Variants in ITCH observed in about 807,000 individuals in gnomAD.
ITCH encodes E3 ubiquitin-protein ligase Itchy homolog.
Under a neutral mutation model 126.8 loss-of-function variants are expected in ITCH, and 28 were observed. The observed-to-expected ratio is 0.22, with a 90% CI of 0.16 to 0.30. ITCH has a LOEUF of 0.30. ITCH is among the 10% of genes least tolerant of loss of function. ITCH has a pLI of 1.00. For missense variants in ITCH, 631 were observed against 1,032.4 expected (o/e 0.61, Z 5.33); for synonymous variants, 342 against 340.0 (o/e 1.01, Z -0.06).
intron 7 of ITCH, among the ~76,000 whole-genome samples, chr20:34,429,846 T>C (rs1166806583): frequency 6.6e-6 from 1 of 152,124 alleles, no homozygotes; most frequent in Non-Finnish European, 1.5e-5. Context: ...TATAAAGCCT[T>C]AATAGAAGAA....
intron 6 of ITCH, chr20:34,417,253 C>G: frequency 1.8e-6 from 1 of 550,772 alleles, no homozygotes. Flanking sequence ...TGCACCACCA[C>G]GCCTGGCTAA....
At position 34,462,189 on chromosome 20, in the gene ITCH, C is replaced by T. The variant is rs749945829; in HGVS notation, c.1392C>T (p.Thr464=). The T allele has an allele frequency of 1.1e-5, 18 of 1,613,718 alleles. No homozygotes were observed. The Admixed American group carries it at 3.0e-4, about 27-fold the overall frequency. ...YFVDHNRRTT[T]YIDPRTGKSA... is the part of the protein sequence containing the mutation. The stretch of plus-strand genomic sequence containing the variant: ...TGGACCACAATAGAAGAACTACCAC[C>T]TATATAGATCCCCGCACAGGAAAAT... The change falls in exon 14 of 25, where the codon ACC becomes ACT. Residue 464 remains threonine (T), a synonymous_variant. Coordinates refer to ENST00000374864, the MANE Select transcript of ITCH (RefSeq NM_031483.7).
intron 7 of ITCH, among the ~76,000 whole-genome samples, chr20:34,431,733 A>T (rs539127271): frequency 6.6e-6 from 1 of 152,238 alleles, no homozygotes; most frequent in African/African-American, 2.4e-5. Context: ...TAAGAGAAAA[A>T]TGTTCTTTAA....
chr20:34,438,776 G>C, intron 8 of ITCH, 145 bp downstream of exon 8: 1 of 1,130,214 alleles, frequency 8.8e-7, no homozygotes, highest in Non-Finnish European at 1.3e-6. Flanking sequence ...TCTTTCTGTA[G>C]GTAACCAAAA....
intron 7 of ITCH, among the ~76,000 whole-genome samples, chr20:34,436,077 TC>T (rs1259062804): frequency 6.6e-6 from 1 of 152,158 alleles, no homozygotes; most frequent in African/African-American, 2.4e-5. Context: ...ATGTTAAAAT[TC>T]CCCAAATTTT....
At chr20:34,412,702 T>C (rs1979211787) in intron 5 of ITCH, 63 bp downstream of exon 5, 1 of 1,343,196 alleles carries the variant, frequency 7.4e-7, no homozygotes, top group Non-Finnish European at 1.1e-6. Flanking sequence ...GAAATTTATA[T>C]GTCAAACATG....
intron 2 of ITCH, among the ~76,000 whole-genome samples, chr20:34,381,969 C>T (rs2038084092): frequency 6.6e-6 from 1 of 151,926 alleles, no homozygotes; most frequent in South Asian, 2.1e-4. Flanking sequence ...AAATCTTTGC[C>T]TTACTGGACA....
chr20:34,415,268 G>A (rs1201347061), intron 6 of ITCH, among the ~76,000 whole-genome samples: 1 of 152,100 alleles, frequency 6.6e-6, no homozygotes. Context: ...TTTAAAAATA[G>A]CAGGACAGGC....
In ITCH at chr20:34,477,760, ATT is replaced by A; in HGVS notation, c.1570-4_1570-3del. Reference sequence around the variant, plus strand: ...CTTTTTTCACCAATTATTTTACTTTATTTTTTTTTAGATAATGAGCTTCAGTC... The same window carrying A: ...CTTTTTTCACCAATTATTTTACTTTATTTTTTTAGATAATGAGCTTCAGTC... On this transcript the variant is annotated splice_polypyrimidine_tract_variant and intron_variant, in intron 16 of 24. Coordinates refer to ENST00000374864, the MANE Select transcript of ITCH (RefSeq NM_031483.7). The A allele has an allele frequency of 1.3e-6, 2 of 1,591,940 alleles. No individual in the cohort carries two copies. The highest frequency in any genetic ancestry group is 8.6e-7 in the Non-Finnish European group (1 of 1,162,608).
At chr20:34,404,705 G>C (rs2038997580) in intron 3 of ITCH, among the ~76,000 whole-genome samples, 1 of 152,046 alleles carries the variant, frequency 6.6e-6, no homozygotes, top group African/African-American at 2.4e-5. Context: ...GAGCCACCAC[G>C]TTCGGCCGCT....
chr20:34,506,448 G>A (rs1217856685), intron 24 of ITCH, among the ~76,000 whole-genome samples: 1 of 152,172 alleles, frequency 6.6e-6, no homozygotes, highest in Admixed American at 6.5e-5. Context: ...GAACTGGGCT[G>A]CACAGCAGGA....
intron 3 of ITCH, among the ~76,000 whole-genome samples, chr20:34,407,279 A>G (rs2039092578): frequency 6.6e-6 from 1 of 151,994 alleles, no homozygotes; most frequent in Non-Finnish European, 1.5e-5. Context: ...TATTATTATT[A>G]TTTTTGATAC....
intron 24 of ITCH, among the ~76,000 whole-genome samples, chr20:34,504,606 A>AT (rs1014605688): frequency 1.7e-5 from 2 of 118,396 alleles, no homozygotes; most frequent in South Asian, 2.7e-4. Flanking sequence ...TCACATCTGA[A>AT]TTTTTTTTCT....
In ITCH at chr20:34,443,387, A is replaced by G. The variant is rs1250221546; in HGVS notation, c.965+1084A>G. On this transcript the variant is annotated intron_variant, in intron 10 of 24. Coordinates refer to ENST00000374864, the MANE Select transcript of ITCH (RefSeq NM_031483.7). The stretch of plus-strand genomic sequence containing the variant: ...TAGCTGGGTGTTGTGGCGCGCCTGT[A>G]GTCCCAGCTACTCCGGAGGCTGAGG... Among the ~76,000 whole-genome samples, 4 of 151,962 alleles carry G rather than the reference A, an allele frequency of 2.6e-5. No individual in the cohort carries two copies. In the East Asian group the frequency reaches 7.8e-4, roughly 29 times the overall value.
rs372382674 is a variant in ITCH at position 34,507,290 on chromosome 20, G to GTTGTT, written c.2490-405_2490-404insTTGTT. Among the ~76,000 whole-genome samples, 58 of 69,984 alleles carry GTTGTT rather than the reference G, an allele frequency of 8.3e-4. 2 individuals carry two copies. Among genetic ancestry groups the GTTGTT allele is most frequent in the Middle Eastern group, 0.011 (1 of 94 alleles). The allele number at this position is 69,984 out of a possible 152,430, so 45.9% of individuals were successfully genotyped here. A position where few individuals can be genotyped will look rare whatever the true frequency, so the allele number is the denominator to read the frequency against. ...TTTTTTTTTTTTTTTTTTTTTTTTT[G>GTTGTT]GTTGTTGTTGTTGTTGTTTTGGTGT... On this transcript the variant is annotated intron_variant, in intron 24 of 24. Transcript: ENST00000374864.
chr20:34,409,758 C>T (rs942572203), intron 4 of ITCH, among the ~76,000 whole-genome samples: 9 of 150,384 alleles, frequency 6.0e-5, no homozygotes, highest in Non-Finnish European at 1.3e-4. Context: ...AGTGTAGATT[C>T]ATAGAAGTAG....
chr20:34,489,633 G>GT (rs200417903), intron 21 of ITCH, among the ~76,000 whole-genome samples, 189 bp from the exon 22 acceptor site: 1,679 of 152,274 alleles, frequency 0.011, 124 homozygotes, highest in Admixed American at 0.099. Flanking sequence ...CCCTGAATAT[G>GT]TATATGTATG....
chr20:34,464,402 C>T (rs1600406922), intron 14 of ITCH, among the ~76,000 whole-genome samples: 1 of 151,180 alleles, frequency 6.6e-6, no homozygotes, highest in South Asian at 2.1e-4. Context: ...TCTCGGCTCA[C>T]CACAACTTCT....
rs1981944757 is a variant in ITCH, at chr20:34,429,104, A to AT, written c.521+4585dup. Among the ~76,000 whole-genome samples the AT allele has an allele frequency of 2.6e-5, 4 of 151,976 alleles. No individual in the cohort carries two copies. The South Asian group carries it at 8.3e-4, about 32-fold the overall frequency. On this transcript the variant is annotated intron_variant, in intron 7 of 24. Transcript: ENST00000374864. ...AGGCATGCACCACCACGCCCAGCTAATTTTTTGTATTTTTAGTAGAGATGA... is the reference window on the plus strand; with the variant it reads ...AGGCATGCACCACCACGCCCAGCTAATTTTTTTGTATTTTTAGTAGAGATGA...
Sources: allele counts gnomAD v4.1 joint callset (sites outside exome capture counted in the v4.1 genomes callset), GRCh38; gene constraint gnomAD v4.1.1; transcripts MANE v1.5; gene names NCBI Gene and HGNC (gene_info 2026-07-23, HGNC 2026-07-21).